Variants in SHISA9 observed in about 807,000 individuals in gnomAD.
SHISA9 encodes the protein protein shisa-9.
A neutral mutation model predicts 38.0 loss-of-function variants in SHISA9; 13 were observed. That is an observed-to-expected ratio of 0.34 (90% CI 0.22 to 0.54). SHISA9 has a LOEUF of 0.54. Ranked by LOEUF, SHISA9 falls within the 20% of genes least tolerant of loss-of-function variation. The probability of loss-of-function intolerance (pLI) is 0.91; values close to 1 mark genes in which losing one functional copy is unlikely to be tolerated. For synonymous variants in SHISA9, 275 were observed against 242.0 expected (o/e 1.14, Z -1.27); for missense variants, 538 against 575.8 (o/e 0.93, Z 0.67).
chr16:13,205,839 G>T (rs1324221075), intron 3 of SHISA9, among the ~76,000 whole-genome samples: 1 of 151,956 alleles, frequency 6.6e-6, no homozygotes, highest in African/African-American at 2.4e-5. Context: ...TCGGTTCACT[G>T]CAACATCCGT....
chr16:13,001,973 T>C (rs1302062367), intron 2 of SHISA9, among the ~76,000 whole-genome samples: 4 of 152,238 alleles, frequency 2.6e-5, no homozygotes, highest in Admixed American at 6.5e-5. Flanking sequence ...TCCACTGTTA[T>C]ATATGCTTAA....
intron 2 of SHISA9, among the ~76,000 whole-genome samples, chr16:13,096,445 G>C (rs146557044): frequency 1.3e-5 from 2 of 152,200 alleles, no homozygotes; most frequent in Non-Finnish European, 2.9e-5. Flanking sequence ...GTAGGCTCTT[G>C]TGGGGCACAG....
intron 2 of SHISA9, among the ~76,000 whole-genome samples, chr16:13,081,223 C>T (rs868085124): frequency 6.6e-6 from 1 of 152,114 alleles, no homozygotes. Context: ...TTTTCCAAAA[C>T]GCAGGCATTC....
the SHISA9 span, among the ~76,000 whole-genome samples, chr16:13,398,963 C>G: frequency 2.3e-3 from 345 of 152,182 alleles, 1 homozygote; most frequent in African/African-American, 7.6e-3. Context: ...GCATTAGAAC[C>G]TAGAAATACA....
intron 2 of SHISA9, among the ~76,000 whole-genome samples, chr16:13,112,555 G>A (rs577763459): frequency 3.9e-5 from 6 of 152,018 alleles, no homozygotes; most frequent in Non-Finnish European, 8.8e-5. Flanking sequence ...TGGAATCCCT[G>A]GGGTCAATTC....
chr16:13,349,790 G>T, the SHISA9 span, among the ~76,000 whole-genome samples: 115 of 152,244 alleles, frequency 7.6e-4, 1 homozygote, highest in African/African-American at 2.6e-3. Context: ...ATGTAGGGAT[G>T]GTTACTTTTG....
At chr16:13,496,817 A>G in the SHISA9 span, among the ~76,000 whole-genome samples, 1 of 152,158 alleles carries the variant, frequency 6.6e-6, no homozygotes, top group African/African-American at 2.4e-5. Context: ...GTTAAAATAC[A>G]CACACACGAT....
chr16:13,096,445 G>GTGGGGCA (rs1180777480), intron 2 of SHISA9, among the ~76,000 whole-genome samples: 1 of 152,200 alleles, frequency 6.6e-6, no homozygotes, highest in Non-Finnish European at 1.5e-5. Context: ...GTAGGCTCTT[G>GTGGGGCA]TGGGGCACAG....
chr16:13,375,251 C>A, the SHISA9 span, among the ~76,000 whole-genome samples: 1 of 152,166 alleles, frequency 6.6e-6, no homozygotes, highest in Non-Finnish European at 1.5e-5. Context: ...TTTCCCATGC[C>A]TATGTCCTGA....
the SHISA9 span, among the ~76,000 whole-genome samples, chr16:13,267,150 C>T: frequency 6.6e-6 from 1 of 152,052 alleles, no homozygotes; most frequent in African/African-American, 2.4e-5. Context: ...GGACCATATT[C>T]TAAGATGACA....
intron 2 of SHISA9, among the ~76,000 whole-genome samples, chr16:12,944,733 C>T (rs1245875123): frequency 1.3e-5 from 2 of 152,174 alleles, no homozygotes; most frequent in Non-Finnish European, 2.9e-5. Flanking sequence ...GTACCCTCCA[C>T]ACCTCCCTAA....
chr16:13,486,696 A>C, the SHISA9 span, among the ~76,000 whole-genome samples: 1 of 151,920 alleles, frequency 6.6e-6, no homozygotes, highest in Admixed American at 6.6e-5. Flanking sequence ...TCCTCTCTAT[A>C]CCTTCTTTCT....
At chr16:13,003,476 ACT>A (rs1315683114) in intron 2 of SHISA9, among the ~76,000 whole-genome samples, 1 of 152,110 alleles carries the variant, frequency 6.6e-6, no homozygotes, top group Admixed American at 6.6e-5. Flanking sequence ...ATGTGCAAAA[ACT>A]CAACCTGTTC....
chr16:13,174,523 A>C (rs975441040), intron 2 of SHISA9, among the ~76,000 whole-genome samples: 3 of 152,248 alleles, frequency 2.0e-5, no homozygotes, highest in African/African-American at 7.2e-5. Context: ...AACTGGAGAC[A>C]GAACTGGGGG....
At chr16:13,226,654 G>T (rs985942462) in intron 4 of SHISA9, among the ~76,000 whole-genome samples, 2 of 152,156 alleles carry the variant, frequency 1.3e-5, no homozygotes, top group African/African-American at 4.8e-5. Context: ...CTGGGTCAAC[G>T]GAGAAGTTCT....
At chr16:13,315,679 T>G in the SHISA9 span, among the ~76,000 whole-genome samples, 3 of 152,226 alleles carry the variant, frequency 2.0e-5, no homozygotes, top group Non-Finnish European at 4.4e-5. Flanking sequence ...TAGTGAGAAT[T>G]AAATAAATTA....
chr16:12,993,915 G>T (rs925190286), intron 2 of SHISA9, among the ~76,000 whole-genome samples: 2 of 152,168 alleles, frequency 1.3e-5, no homozygotes, highest in African/African-American at 4.8e-5. Context: ...GGACAGGAAA[G>T]AGGGAGGAGA....
chr16:13,131,958 G>GTCACTGT lies in SHISA9; in HGVS notation c.692-71434_692-71428dup, dbSNP rs2050310307. On this transcript the variant is annotated intron_variant, in intron 2 of 4. Coordinates refer to ENST00000558583, the MANE Select transcript of SHISA9 (RefSeq NM_001145204.3). ...TTGTTCTCCCTAATTACAAACATTA[G>GTCACTGT]TCACTGTTTAGTCTTCAGTCCTGAC... Among the ~76,000 whole-genome samples the GTCACTGT allele has an allele frequency of 2.0e-5, 3 of 152,328 alleles. No individual in the cohort carries two copies. In the East Asian group the frequency reaches 5.8e-4, roughly 29 times the overall value.
chr16:13,464,835 C>G, the SHISA9 span, among the ~76,000 whole-genome samples: 1 of 151,894 alleles, frequency 6.6e-6, no homozygotes, highest in Non-Finnish European at 1.5e-5. Context: ...CCCCACCCCC[C>G]ACCTTTTACA....
Sources: gnomAD v4.1 joint callset for allele counts (sites outside exome capture counted in the v4.1 genomes callset) on GRCh38, gnomAD v4.1.1 for gene constraint, MANE v1.5 for transcripts, NCBI Gene and HGNC (gene_info 2026-07-23, HGNC 2026-07-21) for gene names.